Variants in ERAP1 observed in about 807,000 individuals in gnomAD.
The protein encoded by ERAP1 is endoplasmic reticulum aminopeptidase 1.
In ERAP1, 86 loss-of-function variants were observed where a neutral mutation model predicts 103.7. The ratio of observed to expected loss-of-function variants is 0.83; its 90% CI spans 0.70 to 0.99. ERAP1 has a LOEUF of 0.99. ERAP1 is among the 50% of genes least tolerant of loss of function. The pLI, the probability that ERAP1 is intolerant of heterozygous loss-of-function variation, is 0.00. For synonymous variants in ERAP1, 398 were observed against 402.4 expected (o/e 0.99, Z 0.13); for missense variants, 1,009 against 1,128.4 (o/e 0.89, Z 1.52).
the ERAP1 span, among the ~76,000 whole-genome samples, chr5:96,882,876 A>G: frequency 4.6e-5 from 7 of 151,890 alleles, no homozygotes; most frequent in Middle Eastern, 3.2e-3. Flanking sequence ...TCTCCCTCTT[A>G]TTTGAGCTAT....
At chr5:96,801,088 T>C (rs1777939064) in intron 2 of ERAP1, 88 bp from the exon 3 acceptor site, 1 of 1,428,854 alleles carries the variant, frequency 7.0e-7, no homozygotes, top group Non-Finnish European at 9.7e-7. Context: ...CTAAAGTTAC[T>C]ATAAGATTGA....
the ERAP1 span, among the ~76,000 whole-genome samples, chr5:96,829,823 A>G: frequency 7.2e-5 from 11 of 152,324 alleles, no homozygotes; most frequent in East Asian, 1.9e-4. Flanking sequence ...TCTCTCATCA[A>G]TAGAAATGCT....
chr5:96,886,528 C>T, the ERAP1 span: 16 of 645,294 alleles, frequency 2.5e-5, no homozygotes, highest in South Asian at 2.8e-4. Flanking sequence ...GCCATTGCCC[C>T]CCTAGGAGGT....
At chr5:96,919,010 A>G in the ERAP1 span, 1 of 152,228 alleles carries the variant, frequency 6.6e-6, no homozygotes, top group Non-Finnish European at 1.5e-5. Context: ...CAGATAGTAA[A>G]CTTAATTTGT....
intron 19 of ERAP1, chr5:96,767,844 A>T: frequency 1.1e-6 from 1 of 923,334 alleles, no homozygotes; most frequent in South Asian, 1.4e-5. Flanking sequence ...ATGTGGGAAA[A>T]GACCCCATAT....
intron 3 of ERAP1, among the ~76,000 whole-genome samples, chr5:96,798,871 C>CTTTTT (rs10646647): frequency 0.01 from 1,265 of 124,830 alleles, 80 homozygotes; most frequent in African/African-American, 0.03. Context: ...CAAAAATTTC[C>CTTTTT]TTTTTTTTTT....
chr5:96,773,866 T>G (rs907335465), downstream of ERAP1: 1 of 152,322 alleles, frequency 6.6e-6, no homozygotes. Context: ...TAGCATCAGT[T>G]TGAAGCTTTT....
At chr5:96,836,767 T>C in the ERAP1 span, among the ~76,000 whole-genome samples, 1 of 152,226 alleles carries the variant, frequency 6.6e-6, no homozygotes, top group Non-Finnish European at 1.5e-5. Flanking sequence ...AAGAGCCATA[T>C]GTGGATGCAT....
At chr5:96,816,260 T>G in the ERAP1 span, among the ~76,000 whole-genome samples, 1 of 152,148 alleles carries the variant, frequency 6.6e-6, no homozygotes, top group South Asian at 2.1e-4. Flanking sequence ...TCTTAACGAA[T>G]TATACATGTG....
chr5:96,870,830 C>A, the ERAP1 span, among the ~76,000 whole-genome samples: 1 of 152,206 alleles, frequency 6.6e-6, no homozygotes, highest in Non-Finnish European at 1.5e-5. Context: ...CTCCCCACTA[C>A]TGAGGTAAGA....
At chr5:96,920,601 G>A in the ERAP1 span, among the ~76,000 whole-genome samples, 2 of 152,188 alleles carry the variant, frequency 1.3e-5, no homozygotes, top group African/African-American at 4.8e-5. Flanking sequence ...CCAAACATAA[G>A]CCTGCTCAAA....
chr5:96,851,846 A>G, the ERAP1 span, among the ~76,000 whole-genome samples: 2,108 of 152,270 alleles, frequency 0.014, 150 homozygotes, highest in Admixed American at 0.11. Context: ...AGTGGCAATA[A>G]AGGAAAGCTG....
chr5:96,814,221 T>C, the ERAP1 span: 1 of 456,158 alleles, frequency 2.2e-6, no homozygotes, highest in South Asian at 1.6e-5. Flanking sequence ...CTCAGTGTTT[T>C]GCTGACTGTT....
chr5:96,788,787 C>T, intron 10 of ERAP1, 102 bp from the exon 11 acceptor site: 2 of 1,447,806 alleles, frequency 1.4e-6, no homozygotes, highest in Non-Finnish European at 1.9e-6. Context: ...CAGTTGCCAA[C>T]CTCCCCTCTT....
chr5:96,781,104 G>A lies in ERAP1; in HGVS notation c.2542C>T (p.Leu848=), dbSNP rs17481856. The A allele has an allele frequency of 0.11, 183,624 of 1,613,464 alleles. 11,449 individuals carry two copies. The highest frequency in any genetic ancestry group is 0.13 in the Non-Finnish European group (150,431 of 1,179,764). The stretch of plus-strand genomic sequence containing the variant: ...TTTTTCCTCAGAAATTGCCAGGCCA[G>A]TGGGTATCCTACTGGGTTCCTGCCA... ...LIGRNPVGYP[L]AWQFLRKNWN... is the part of the protein sequence containing the mutation. Residue 848 remains leucine (L), a synonymous_variant, in exon 17 of 19, where the codon CTG becomes TTG. Transcript: ENST00000443439.
the ERAP1 span, among the ~76,000 whole-genome samples, chr5:96,820,875 T>A: frequency 3.3e-5 from 5 of 152,202 alleles, no homozygotes; most frequent in Non-Finnish European, 7.3e-5. Flanking sequence ...TCTAAATCTG[T>A]ATAAACACTT....
the ERAP1 span, among the ~76,000 whole-genome samples, chr5:96,907,020 C>A: frequency 6.6e-6 from 1 of 152,164 alleles, no homozygotes; most frequent in East Asian, 1.9e-4. Context: ...AGGAGTGAAA[C>A]TCCATCTCAA....
At chr5:96,774,237 T>C (rs1427512939), downstream of ERAP1, 1 of 153,986 alleles carries the variant, frequency 6.5e-6, no homozygotes, top group Non-Finnish European at 1.5e-5. Context: ...GGCTTCAGTA[T>C]TACTAATTTC....
At chr5:96,767,674 A>G (rs1197132497) in intron 19 of ERAP1, among the ~76,000 whole-genome samples, 1 of 152,194 alleles carries the variant, frequency 6.6e-6, no homozygotes, top group Non-Finnish European at 1.5e-5. Flanking sequence ...TAGGGTGGAA[A>G]ACTGAGGCTC....
Sources: gnomAD v4.1 joint callset for allele counts (sites outside exome capture counted in the v4.1 genomes callset) on GRCh38, gnomAD v4.1.1 for gene constraint, MANE v1.5 for transcripts, NCBI Gene and HGNC (gene_info 2026-07-23, HGNC 2026-07-21) for gene names.